The following IGSF21 variants were observed in gnomAD, a reference collection of about 807,000 sequenced individuals.
IGSF21 encodes immunoglobulin superfamily member 21.
IGSF21 carries 28 observed loss-of-function variants against 46.8 expected under a neutral mutation model. The ratio of observed to expected loss-of-function variants is 0.60; its 90% confidence interval spans 0.44 to 0.82. IGSF21 has a LOEUF of 0.82. IGSF21 is among the 40% of genes least tolerant of loss of function. IGSF21 has a pLI of 0.00. For synonymous variants in IGSF21, 284 were observed against 273.6 expected (o/e 1.04, Z -0.38); for missense variants, 624 against 665.5 (o/e 0.94, Z 0.69).
At chr1:18,258,332 C>T (rs556285003) in intron 2 of IGSF21, among the ~76,000 whole-genome samples, 1 of 152,290 alleles carries the variant, frequency 6.6e-6, no homozygotes, top group South Asian at 2.1e-4. Context: ...GATTAAGGAG[C>T]AGAATGTCCC....
chr1:18,331,773 T>C (rs1190859907), intron 3 of IGSF21, among the ~76,000 whole-genome samples: 6 of 152,166 alleles, frequency 3.9e-5, no homozygotes, highest in Non-Finnish European at 7.4e-5. Context: ...TGAGAAGAGA[T>C]GCTGACTGTG....
intron 6 of IGSF21, among the ~76,000 whole-genome samples, chr1:18,368,460 G>A (rs919851468): frequency 6.0e-5 from 9 of 149,924 alleles, no homozygotes; most frequent in East Asian, 2.0e-4. Flanking sequence ...GCAGTGAGCC[G>A]AGATTGCACC....
chr1:18,155,767 C>A (rs920282735), intron 1 of IGSF21, among the ~76,000 whole-genome samples: 7 of 152,218 alleles, frequency 4.6e-5, no homozygotes, highest in African/African-American at 1.7e-4. Context: ...AGAGGGCAAG[C>A]CAGCACCCCA....
intron 1 of IGSF21, among the ~76,000 whole-genome samples, chr1:18,160,896 G>A (rs2086614056): frequency 6.6e-6 from 1 of 152,158 alleles, no homozygotes. Flanking sequence ...GAGGGTGGTG[G>A]TGGCCGTTCC....
At chr1:18,333,208 C>T (rs903576128) in intron 3 of IGSF21, among the ~76,000 whole-genome samples, 6 of 152,174 alleles carry the variant, frequency 3.9e-5, no homozygotes, top group African/African-American at 1.2e-4. Context: ...GTATGGATCC[C>T]TTCCCATAGT....
intron 3 of IGSF21, among the ~76,000 whole-genome samples, chr1:18,327,154 C>A (rs188300717): frequency 1.3e-5 from 2 of 152,290 alleles, no homozygotes; most frequent in Admixed American, 1.3e-4. Flanking sequence ...ACAATTCCAA[C>A]AGGACTTGTT....
chr1:18,362,272 A>T, intron 5 of IGSF21, 42 bp downstream of exon 5: 1 of 1,424,462 alleles, frequency 7.0e-7, no homozygotes, highest in South Asian at 1.2e-5. Flanking sequence ...TATCTGCCGG[A>T]CCACCCTGCT....
intron 1 of IGSF21, among the ~76,000 whole-genome samples, chr1:18,224,790 C>T (rs769236859): frequency 6.6e-6 from 1 of 152,094 alleles, no homozygotes; most frequent in Non-Finnish European, 1.5e-5. Context: ...TCCTGCCAGA[C>T]ATGGTGGCTC....
intron 1 of IGSF21, among the ~76,000 whole-genome samples, chr1:18,222,972 C>T (rs2124501908): frequency 6.6e-6 from 1 of 152,310 alleles, no homozygotes; most frequent in Non-Finnish European, 1.5e-5. Flanking sequence ...CCTGGCACAT[C>T]TGTTGGAAAA....
At chr1:18,164,539 A>T in intron 1 of IGSF21, among the ~76,000 whole-genome samples, 1 of 152,138 alleles carries the variant, frequency 6.6e-6, no homozygotes, top group East Asian at 1.9e-4. Flanking sequence ...GTTCTCCCAC[A>T]GGCTTGCCAA....
At chr1:18,200,620 A>G (rs2087062948) in intron 1 of IGSF21, among the ~76,000 whole-genome samples, 1 of 152,148 alleles carries the variant, frequency 6.6e-6, no homozygotes, top group African/African-American at 2.4e-5. Flanking sequence ...TAAGAACATT[A>G]TATTCAATTC....
intron 1 of IGSF21, among the ~76,000 whole-genome samples, chr1:18,180,086 T>C (rs1376788432): frequency 6.6e-6 from 1 of 152,198 alleles, no homozygotes; most frequent in Non-Finnish European, 1.5e-5. Context: ...GCCCCTCTAC[T>C]CCCTTTATCC....
chr1:18,331,294 G>T (rs908326382), intron 3 of IGSF21, among the ~76,000 whole-genome samples: 2 of 149,628 alleles, frequency 1.3e-5, no homozygotes, highest in Non-Finnish European at 1.5e-5. Flanking sequence ...AAAGTTTATT[G>T]TATCATTCTT....
chr1:18,318,692 C>T (rs929431245), intron 3 of IGSF21, among the ~76,000 whole-genome samples: 2 of 152,180 alleles, frequency 1.3e-5, no homozygotes, highest in Non-Finnish European at 2.9e-5. Context: ...GGGCCCTTTC[C>T]TCACCAGACC....
At chr1:18,324,425 C>G (rs1052519164) in intron 3 of IGSF21, among the ~76,000 whole-genome samples, 1 of 152,194 alleles carries the variant, frequency 6.6e-6, no homozygotes, top group Admixed American at 6.5e-5. Flanking sequence ...ATGGCCGGAT[C>G]GCCAAGCCTC....
At chr1:18,272,493 A>G (rs2085052389) in intron 2 of IGSF21, among the ~76,000 whole-genome samples, 2 of 152,226 alleles carry the variant, frequency 1.3e-5, no homozygotes, top group Non-Finnish European at 2.9e-5. Context: ...CACACAGGGC[A>G]CTTAGCACCT....
intron 1 of IGSF21, chr1:18,167,670 C>T (rs1406163465): frequency 2.6e-5 from 4 of 152,196 alleles, no homozygotes; most frequent in African/African-American, 9.7e-5. Flanking sequence ...CCACCCTTTC[C>T]TTCTGCTGCT....
chr1:18,296,180 C>A lies in IGSF21; in HGVS notation c.305+4193C>A, dbSNP rs551460356. Among the ~76,000 whole-genome samples, 36 of 152,324 alleles carry A rather than the reference C, an allele frequency of 2.4e-4. No homozygotes were observed. In the Middle Eastern group the frequency reaches 0.01, roughly 43 times the overall value. On this transcript the variant is annotated intron_variant, in intron 3 of 9. Transcript: ENST00000251296. The stretch of plus-strand genomic sequence containing the variant: ...CCGTATTGGCTTCCTTCCCTTCTAG[C>A]TCATTCCATCAGCTTCCTGGGACCC...
rs896911751 is a variant in IGSF21, at chr1:18,182,022, C to T, written c.71-45876C>T. ...TCAGATTCAGAACTCTGGGTGACTG[C>T]CCTATGCCAGGCACCCCCATTTGTT... On this transcript the variant is annotated intron_variant, in intron 1 of 9. Transcript: ENST00000251296. Among the ~76,000 whole-genome samples, 18 of 152,256 alleles carry T rather than the reference C, an allele frequency of 1.2e-4. No individual in the cohort carries two copies. The East Asian group carries it at 3.3e-3, about 28-fold the overall frequency.
Sources: gnomAD v4.1 joint callset for allele counts (sites outside exome capture counted in the v4.1 genomes callset) on GRCh38, gnomAD v4.1.1 for gene constraint, MANE v1.5 for transcripts, NCBI Gene and HGNC (gene_info 2026-07-23, HGNC 2026-07-21) for gene names.